Variants in EPHA3 observed in about 807,000 individuals in gnomAD.
EPHA3 encodes the protein EPH receptor A3.
Under a neutral mutation model 107.1 loss-of-function variants are expected in EPHA3, and 42 were observed. The ratio of observed to expected loss-of-function variants is 0.39; its 90% CI spans 0.31 to 0.51. The LOEUF is 0.51. EPHA3 is among the 20% of genes least tolerant of loss of function. The pLI is 0.78. For missense variants in EPHA3, 1,183 were observed against 1,211.2 expected (o/e 0.98, Z 0.35); for synonymous variants, 461 against 424.8 (o/e 1.09, Z -1.05).
At chr3:89,467,134 A>T (rs1710296952) in intron 15 of EPHA3, among the ~76,000 whole-genome samples, 2 of 152,212 alleles carry the variant, frequency 1.3e-5, no homozygotes, top group Admixed American at 6.5e-5. Context: ...GATCAAGGTC[A>T]TCGGCAATCA....
chr3:89,303,400 C>A, intron 3 of EPHA3, among the ~76,000 whole-genome samples: 2 of 130,916 alleles, frequency 1.5e-5, no homozygotes, highest in Admixed American at 7.8e-5. Flanking sequence ...CTCTTTAATT[C>A]AAAAGAAAGA....
chr3:89,454,979 C>T (rs756095063), intron 15 of EPHA3, among the ~76,000 whole-genome samples: 3 of 151,674 alleles, frequency 2.0e-5, no homozygotes, highest in Non-Finnish European at 4.4e-5. Flanking sequence ...GGTGACAGAG[C>T]AAGACACTGT....
At chr3:89,196,283 A>G (rs1705835068) in intron 2 of EPHA3, among the ~76,000 whole-genome samples, 1 of 152,104 alleles carries the variant, frequency 6.6e-6, no homozygotes, top group Admixed American at 6.6e-5. Flanking sequence ...TCCTCTCAAC[A>G]TACACAACTG....
At chr3:89,193,181 C>A (rs754164205) in intron 2 of EPHA3, among the ~76,000 whole-genome samples, 28 of 151,886 alleles carry the variant, frequency 1.8e-4, no homozygotes, top group Non-Finnish European at 3.5e-4. Flanking sequence ...AATATGAAAT[C>A]ATTTGAGATG....
chr3:89,297,820 A>C (rs1706394587), intron 3 of EPHA3, among the ~76,000 whole-genome samples: 1 of 152,114 alleles, frequency 6.6e-6, no homozygotes, highest in Admixed American at 6.6e-5. Context: ...AGATCACTTG[A>C]GGTCAGGGGT....
chr3:89,150,276 A>C (rs1289863923), intron 2 of EPHA3, among the ~76,000 whole-genome samples: 1 of 152,042 alleles, frequency 6.6e-6, no homozygotes, highest in Non-Finnish European at 1.5e-5. Flanking sequence ...TTGTCAGATG[A>C]ACAAATAATT....
At chr3:89,413,342 A>G (rs1709190580) in intron 10 of EPHA3, 76 bp downstream of exon 10, 3 of 1,542,344 alleles carry the variant, frequency 1.9e-6, no homozygotes, top group African/African-American at 1.4e-5. Flanking sequence ...ACCTAAGTAT[A>G]TTGCTAAAGA....
intron 2 of EPHA3, among the ~76,000 whole-genome samples, chr3:89,186,415 G>A (rs570208538): frequency 1.3e-5 from 2 of 152,060 alleles, no homozygotes; most frequent in Non-Finnish European, 2.9e-5. Flanking sequence ...CTCACCTATA[G>A]CTTTGTTAAC....
At chr3:89,177,586 A>G (rs1429177819) in intron 2 of EPHA3, among the ~76,000 whole-genome samples, 1 of 152,180 alleles carries the variant, frequency 6.6e-6, no homozygotes, top group Non-Finnish European at 1.5e-5. Context: ...TTTTGAAATT[A>G]TCAATTAGCC....
intron 1 of EPHA3, among the ~76,000 whole-genome samples, chr3:89,117,491 A>T (rs1329459770): frequency 6.6e-6 from 1 of 152,076 alleles, no homozygotes; most frequent in Admixed American, 6.6e-5. Flanking sequence ...CTTCACACTG[A>T]GGGAAAGTCT....
chr3:89,391,952 T>C (rs768299156), intron 5 of EPHA3, among the ~76,000 whole-genome samples: 5 of 152,186 alleles, frequency 3.3e-5, no homozygotes, highest in Non-Finnish European at 5.9e-5. Context: ...TTAAATTTGC[T>C]AAAAATTATT....
At chr3:89,268,024 G>T (rs1221785830) in intron 3 of EPHA3, among the ~76,000 whole-genome samples, 3 of 152,096 alleles carry the variant, frequency 2.0e-5, no homozygotes, top group Non-Finnish European at 4.4e-5. Flanking sequence ...TATGCAAATT[G>T]TTACAATGAT....
At chr3:89,440,518 C>G (rs1259727940) in intron 13 of EPHA3, among the ~76,000 whole-genome samples, 1 of 152,184 alleles carries the variant, frequency 6.6e-6, no homozygotes, top group African/African-American at 2.4e-5. Context: ...GAAATCAGAA[C>G]TTGAAGCCCC....
chr3:89,383,221 G>T (rs1431421663), intron 5 of EPHA3, among the ~76,000 whole-genome samples: 1 of 152,000 alleles, frequency 6.6e-6, no homozygotes, highest in Non-Finnish European at 1.5e-5. Context: ...CACATATTTT[G>T]TTTAGTGTCT....
At chr3:89,283,754 A>T (rs547448267) in intron 3 of EPHA3, among the ~76,000 whole-genome samples, 40 of 152,260 alleles carry the variant, frequency 2.6e-4, no homozygotes, top group South Asian at 6.2e-4. Context: ...TGTTCTATAA[A>T]CATGGAGGTG....
intron 3 of EPHA3, among the ~76,000 whole-genome samples, chr3:89,241,240 G>C (rs956066113): frequency 6.6e-6 from 1 of 151,734 alleles, no homozygotes; most frequent in African/African-American, 2.4e-5. Flanking sequence ...TATTTTACTC[G>C]AAACCCAATT....
intron 6 of EPHA3, 130 bp downstream of exon 6, chr3:89,396,091 G>A: frequency 8.1e-7 from 1 of 1,228,254 alleles, no homozygotes; most frequent in Non-Finnish European, 1.1e-6. Context: ...GTGGCCCTGT[G>A]ACCCCTTTGA....
chr3:89,258,456 G>T (rs1228208916), intron 3 of EPHA3, among the ~76,000 whole-genome samples: 1 of 152,130 alleles, frequency 6.6e-6, no homozygotes, highest in African/African-American at 2.4e-5. Flanking sequence ...CCTATTGTTA[G>T]ATGACTCGTG....
intron 7 of EPHA3, among the ~76,000 whole-genome samples, chr3:89,404,699 A>G (rs1198634358): frequency 1.3e-5 from 2 of 152,290 alleles, no homozygotes; most frequent in East Asian, 1.9e-4. Flanking sequence ...TGAGTCATAT[A>G]TTTTAGAGAC....
Sources: allele counts gnomAD v4.1 joint callset (sites outside exome capture counted in the v4.1 genomes callset), GRCh38; gene constraint gnomAD v4.1.1; transcripts MANE v1.5; gene names NCBI Gene and HGNC (gene_info 2026-07-23, HGNC 2026-07-21).